Variants in TRAF3 observed in about 807,000 individuals in gnomAD.
TRAF3 encodes the protein TNF receptor associated factor 3, also known as TNF receptor-associated factor 3.
A neutral mutation model predicts 62.3 loss-of-function variants in TRAF3; 13 were observed. The observed-to-expected ratio is 0.21, with a 90% confidence interval of 0.14 to 0.33. The LOEUF (loss-of-function observed/expected upper bound fraction) is 0.33. TRAF3 is among the 10% of genes least tolerant of loss of function. The probability of loss-of-function intolerance (pLI) is 1.00; values close to 1 mark genes in which losing one functional copy is unlikely to be tolerated. For synonymous variants in TRAF3, 269 were observed against 283.4 expected, an observed-to-expected ratio of 0.95 and a Z score of 0.51; for missense variants, 440 against 741.8, an observed-to-expected ratio of 0.59 and a Z score of 4.73.
At chr14:102,869,789 G>C (rs1457452351) in intron 2 of TRAF3, among the ~76,000 whole-genome samples, 1 of 149,546 alleles carries the variant, frequency 6.7e-6, no homozygotes, top group African/African-American at 2.5e-5. Flanking sequence ...CTGGGCAACA[G>C]AGCGAGACTC....
intron 1 of TRAF3, among the ~76,000 whole-genome samples, chr14:102,802,216 G>A (rs1401569016): frequency 2.3e-5 from 3 of 131,400 alleles, no homozygotes; most frequent in East Asian, 2.5e-4. Context: ...GTGCAGTGGC[G>A]CAATCTTGGC....
At chr14:102,821,740 C>T (rs1595330514) in intron 1 of TRAF3, among the ~76,000 whole-genome samples, 1 of 152,258 alleles carries the variant, frequency 6.6e-6, no homozygotes, top group African/African-American at 2.4e-5. Flanking sequence ...CAAGTGTGGC[C>T]TTTAAATACT....
Position 102,908,521 on chromosome 14 carries a change from C to G in TRAF3, c.*2737C>G, listed in dbSNP as rs1221321549. On this transcript the variant is annotated 3_prime_UTR_variant, in exon 12 of 12. Coordinates refer to ENST00000392745, the MANE Select transcript of TRAF3 (RefSeq NM_145725.3). ...GGCACCCTCACTTGGCGCTGGCCAC[C>G]TGGGCCAGCCTGGGGCCATGGTCTC... The G allele has an allele frequency of 6.6e-6, 1 of 152,288 alleles. No individual in the cohort carries two copies. Among genetic ancestry groups the G allele is most frequent in the African/African-American group, 2.4e-5 (1 of 41,432 alleles). The allele number at this position is 152,288 out of a possible 1,614,324, so 9.4% of individuals were successfully genotyped here.
At chr14:102,779,948 G>T (rs1897205313) in intron 1 of TRAF3, among the ~76,000 whole-genome samples, 1 of 152,240 alleles carries the variant, frequency 6.6e-6, no homozygotes. Flanking sequence ...AAGGCCCTTA[G>T]GGTCCACTCC....
chr14:102,803,776 G>A (rs1320430629), intron 1 of TRAF3, among the ~76,000 whole-genome samples: 2 of 152,102 alleles, frequency 1.3e-5, no homozygotes, highest in Non-Finnish European at 2.9e-5. Flanking sequence ...ACAGAATTCT[G>A]TACGGTTTCT....
At chr14:102,887,995 A>T (rs983450146) in intron 7 of TRAF3, among the ~76,000 whole-genome samples, 5 of 152,172 alleles carry the variant, frequency 3.3e-5, no homozygotes, top group African/African-American at 1.2e-4. Flanking sequence ...TATTCCAGAG[A>T]TCCTGTAGAT....
At chr14:102,820,088 C>T (rs752139977) in intron 1 of TRAF3, among the ~76,000 whole-genome samples, 3 of 152,166 alleles carry the variant, frequency 2.0e-5, no homozygotes, top group Non-Finnish European at 2.9e-5. Flanking sequence ...AGGGCACTCC[C>T]GGCAGGTCCT....
intron 10 of TRAF3, among the ~76,000 whole-genome samples, chr14:102,900,205 A>AAAAGC (rs1443635739): frequency 7.4e-6 from 1 of 135,460 alleles, no homozygotes; most frequent in Non-Finnish European, 1.5e-5. Context: ...AAAAAAAAAG[A>AAAAGC]CAGCCTAGGC....
intron 6 of TRAF3, among the ~76,000 whole-genome samples, chr14:102,879,102 T>G (rs1259768123): frequency 6.6e-6 from 1 of 151,234 alleles, no homozygotes; most frequent in African/African-American, 2.4e-5. Flanking sequence ...GCTCGCAGGA[T>G]CATGGGGCTG....
chr14:102,819,846 C>T (rs1430216110), intron 1 of TRAF3, among the ~76,000 whole-genome samples: 1 of 152,246 alleles, frequency 6.6e-6, no homozygotes, highest in Non-Finnish European at 1.5e-5. Context: ...CTATGAATAG[C>T]TTCACATCAG....
rs1306119458 is a variant in TRAF3 at position 102,836,838 on chromosome 14, ATGTT to A, written c.-18+6369_-18+6372del. On this transcript the variant is annotated intron_variant, in intron 2 of 11. Coordinates refer to ENST00000392745, the MANE Select transcript of TRAF3 (RefSeq NM_145725.3). ...TGAAGTAAGTATGCAGTGGTAATGAATGTTTGATCATGATTTCAGGTGAGTAAGA... is the reference window on the plus strand; with the variant it reads ...TGAAGTAAGTATGCAGTGGTAATGAATGATCATGATTTCAGGTGAGTAAGA... Among the ~76,000 whole-genome samples, 15 of 152,310 alleles carry A rather than the reference ATGTT, an allele frequency of 9.8e-5. No individual in the cohort carries two copies. In the South Asian group the frequency reaches 2.3e-3, roughly 23 times the overall value.
rs367935838 is a variant in TRAF3 at position 102,811,885 on chromosome 14, C to G, written c.-156-18449C>G. Among the ~76,000 whole-genome samples the G allele has an allele frequency of 1.7e-4, 22 of 128,302 alleles. No homozygotes were observed. The East Asian group carries it at 5.1e-3, about 30-fold the overall frequency. The allele number at this position is 128,302 out of a possible 152,430, so 84.2% of individuals were successfully genotyped here. ...GCCTCAGCCTCCCGAGTAGCTAGGA[C>G]TGTAGGCTTGTGCCACCATGCCTGG... On this transcript the variant is annotated intron_variant, in intron 1 of 11. Transcript: ENST00000392745.
At chr14:102,888,407 C>T (rs757144492) in intron 7 of TRAF3, among the ~76,000 whole-genome samples, 1 of 152,212 alleles carries the variant, frequency 6.6e-6, no homozygotes, top group Non-Finnish European at 1.5e-5. Context: ...ATGGGCCCCT[C>T]AGTCCCTTCC....
chr14:102,847,347 G>A (rs1262746878), intron 2 of TRAF3, among the ~76,000 whole-genome samples: 1 of 152,028 alleles, frequency 6.6e-6, no homozygotes, highest in Non-Finnish European at 1.5e-5. Context: ...GCTAATTCTT[G>A]TATTTTTGGT....
chr14:102,810,783 G>T (rs530694399), intron 1 of TRAF3: 2 of 152,324 alleles, frequency 1.3e-5, no homozygotes, highest in Non-Finnish European at 2.9e-5. Context: ...ACTTCTGCAT[G>T]GAGGAGGTCA....
chr14:102,856,747 C>T (rs989929176), intron 2 of TRAF3, among the ~76,000 whole-genome samples: 3 of 152,074 alleles, frequency 2.0e-5, no homozygotes, highest in African/African-American at 7.2e-5. Context: ...ACAGCAGAAC[C>T]CTTAATCCTA....
At chr14:102,871,841 A>C in intron 3 of TRAF3, 76 bp from the exon 4 acceptor site, 1 of 1,412,668 alleles carries the variant, frequency 7.1e-7, no homozygotes, top group South Asian at 1.1e-5. Context: ...CCATAAAGTG[A>C]ATGCTCCCAG....
At chr14:102,780,700 T>G (rs1897239153) in intron 1 of TRAF3, among the ~76,000 whole-genome samples, 1 of 152,150 alleles carries the variant, frequency 6.6e-6, no homozygotes, top group South Asian at 2.1e-4. Context: ...TAATTGGGAC[T>G]TGGGAGTCTT....
intron 2 of TRAF3, among the ~76,000 whole-genome samples, chr14:102,843,491 C>G (rs1424922800): frequency 2.0e-5 from 3 of 151,952 alleles, no homozygotes; most frequent in Non-Finnish European, 4.4e-5. Flanking sequence ...GCGTGTGCCA[C>G]CATACCCAGC....
Sources: allele counts gnomAD v4.1 joint callset (sites outside exome capture counted in the v4.1 genomes callset), GRCh38; gene constraint gnomAD v4.1.1; transcripts MANE v1.5; gene names NCBI Gene and HGNC (gene_info 2026-07-23, HGNC 2026-07-21).